DECR1: variants seen among roughly 807,000 people sequenced by gnomAD.
The protein encoded by DECR1 is 2,4-dienoyl-CoA reductase 1, also known as 2,4-dienoyl-CoA reductase [(3E)-enoyl-CoA-producing], mitochondrial.
Under a neutral mutation model 38.8 loss-of-function variants are expected in DECR1, and 44 were observed. The observed-to-expected ratio is 1.13, with a 90% CI of 0.89 to 1.46. The LOEUF (loss-of-function observed/expected upper bound fraction) is 1.46, where lower values mean the gene tolerates loss of function less well. DECR1 is among the 40% of genes most tolerant of loss of function. The probability of loss-of-function intolerance (pLI) is 0.00; values close to 1 mark genes in which losing one functional copy is unlikely to be tolerated. For missense variants in DECR1, 428 were observed against 405.5 expected (o/e 1.06, Z -0.48); for synonymous variants, 148 against 135.2 (o/e 1.09, Z -0.66).
chr8:90,024,123 G>A, intron 5 of DECR1, among the ~76,000 whole-genome samples: 1 of 152,142 alleles, frequency 6.6e-6, no homozygotes, highest in Non-Finnish European at 1.5e-5. Flanking sequence ...ATCATTGATG[G>A]ACATTTGGGT....
chr8:90,015,770 A>C lies in DECR1; in HGVS notation c.70-1354A>C, dbSNP rs985643991. 9.6e-5 allele frequency: 38 copies of C among 396,442 alleles called. 2 individuals carry two copies. The highest frequency in any genetic ancestry group is 6.9e-4 in the South Asian group (37 of 53,734). 24.6% of individuals were successfully genotyped at this position (396,442 alleles called of 1,614,324 possible). ...ACCATTAAGCTTAGCAGGATCTCAG[A>C]GAATAGACAGAGGAATATGCAAGCT... is the stretch of plus-strand genomic sequence containing the variant. On this transcript the variant is annotated intron_variant, in intron 1 of 9. Coordinates refer to ENST00000220764, the MANE Select transcript of DECR1 (RefSeq NM_001359.2).
At chr8:90,041,011 A>G (rs1414055279) in intron 6 of DECR1, among the ~76,000 whole-genome samples, 4 of 152,184 alleles carry the variant, frequency 2.6e-5, no homozygotes, top group Non-Finnish European at 5.9e-5. Flanking sequence ...GCTGGGTCAA[A>G]TGGTATTTCT....
At chr8:90,032,421 A>G (rs1489631071) in intron 5 of DECR1, among the ~76,000 whole-genome samples, 2 of 152,148 alleles carry the variant, frequency 1.3e-5, no homozygotes, top group Non-Finnish European at 2.9e-5. Flanking sequence ...AGCCAGAGAA[A>G]GTTGTCTGTT....
At chr8:90,031,752 T>G (rs1247519861) in intron 5 of DECR1, among the ~76,000 whole-genome samples, 1 of 152,056 alleles carries the variant, frequency 6.6e-6, no homozygotes, top group Non-Finnish European at 1.5e-5. Flanking sequence ...AGTAGAAGAG[T>G]TAGAACTGCA....
Position 90,051,917 on chromosome 8 carries a change from T to C in DECR1, c.*20T>C, listed in dbSNP as rs112034915. 884 of 1,609,102 alleles carry C rather than the reference T, an allele frequency of 5.5e-4. 7 individuals are homozygous for C. In the African/African-American group the frequency reaches 8.5e-3, roughly 16 times the overall value. The stretch of plus-strand genomic sequence containing the variant: ...TCCTAAGACCACTTTGGCCTTCATC[T>C]TGGTTACAGAAAAGGGAATAGAAAT... On this transcript the variant is annotated 3_prime_UTR_variant, in exon 10 of 10. Transcript: ENST00000220764.
chr8:90,007,272 G>T (rs1812767234), intron 1 of DECR1, among the ~76,000 whole-genome samples: 1 of 152,174 alleles, frequency 6.6e-6, no homozygotes, highest in African/African-American at 2.4e-5. Flanking sequence ...CATATGCTAT[G>T]GGGAGCGAAG....
intron 1 of DECR1, among the ~76,000 whole-genome samples, chr8:90,010,117 T>C (rs968646386): frequency 6.6e-6 from 1 of 152,218 alleles, no homozygotes; most frequent in Admixed American, 6.5e-5. Context: ...GGCAACAAGA[T>C]CTGTGCTCTG....
rs1374970335 is a variant in DECR1, at chr8:90,018,919, G to GT, written c.287dup (p.Leu96PhefsTer15). The GT allele has an allele frequency of 1.3e-6, 2 of 1,590,776 alleles. No homozygotes were observed. Among genetic ancestry groups the GT allele is most frequent in the Non-Finnish European group, 1.7e-6 (2 of 1,164,880 alleles). On this transcript the variant is annotated frameshift_variant, in exon 3 of 10. Transcript: ENST00000220764. LOFTEE classifies it high-confidence loss of function. ...GGTGTTTATTTCTAGGAAGATGGAT[G>GT]TTTTGAAAGCTACCGCAGAACAAAT...
intron 5 of DECR1, among the ~76,000 whole-genome samples, chr8:90,023,839 G>A (rs973274946): frequency 5.3e-5 from 8 of 151,926 alleles, no homozygotes; most frequent in South Asian, 2.1e-4. Flanking sequence ...TTTACATTAG[G>A]TATATCTCCT....
Position 90,050,499 on chromosome 8 carries a change from G to T in DECR1, c.886-1178G>T, listed in dbSNP as rs151138268. ...ATACCATCTCACACCAGTTAGAATG[G>T]TGTTCATTAAAGATTCAGGAAACAA... On this transcript the variant is annotated intron_variant, in intron 8 of 9. Transcript: ENST00000220764. Among the ~76,000 whole-genome samples, 754 of 152,258 alleles carry T rather than the reference G, an allele frequency of 5.0e-3. 9 individuals are homozygous for T. The highest frequency in any genetic ancestry group is 0.017 in the African/African-American group (689 of 41,528).
chr8:90,039,056 C>T (rs1472453759), intron 6 of DECR1, among the ~76,000 whole-genome samples: 1 of 152,142 alleles, frequency 6.6e-6, no homozygotes, highest in Non-Finnish European at 1.5e-5. Context: ...AATAGATGCT[C>T]ATTAAACATG....
rs149094047 is a variant in DECR1 at position 90,017,300 on chromosome 8, A to G, written c.246A>G (p.Leu82=). 4.5e-4 allele frequency: 732 copies of G among 1,614,026 alleles called. 1 individual carries two copies. The highest frequency in any genetic ancestry group is 5.9e-4 in the Non-Finnish European group (696 of 1,180,038). ...GKGMTTLLSS[L]GAQCVIASRK... Reference sequence around the variant, plus strand: ...GAATGACAACTCTTCTGTCCAGCCTAGGTGCTCAGTGCGTGATAGCCAGCC... The same window carrying G: ...GAATGACAACTCTTCTGTCCAGCCTGGGTGCTCAGTGCGTGATAGCCAGCC... The change falls in exon 2 of 10, where the codon CTA becomes CTG. Residue 82 remains leucine, a synonymous_variant. Coordinates refer to ENST00000220764, the MANE Select transcript of DECR1 (RefSeq NM_001359.2).
intron 5 of DECR1, among the ~76,000 whole-genome samples, chr8:90,021,607 G>T (rs956520882): frequency 6.6e-6 from 1 of 152,202 alleles, no homozygotes; most frequent in Non-Finnish European, 1.5e-5. Flanking sequence ...CAAAGAATGC[G>T]ACTTGATTGG....
intron 7 of DECR1, 113 bp from the exon 8 acceptor site, chr8:90,044,736 C>A: frequency 9.4e-7 from 1 of 1,065,062 alleles, no homozygotes; most frequent in Non-Finnish European, 1.3e-6. Flanking sequence ...ACTTACAAAG[C>A]CTAAGGTTTT....
chr8:90,051,603 T>C (rs1394142350), intron 8 of DECR1, 74 bp from the exon 9 acceptor site: 15 of 1,182,344 alleles, frequency 1.3e-5, no homozygotes, highest in Non-Finnish European at 1.7e-5. Flanking sequence ...CCAATTAGTA[T>C]GGGAAAATGG....
intron 4 of DECR1, 86 bp downstream of exon 4, chr8:90,019,258 A>T (rs1040654917): frequency 8.7e-7 from 1 of 1,145,102 alleles, no homozygotes; most frequent in Non-Finnish European, 1.3e-6. Flanking sequence ...TAAAATATTG[A>T]TACTGATGTA....
rs753506368 is a variant in DECR1 at position 90,021,050 on chromosome 8, C to A, written c.559C>A (p.Gln187Lys). The change falls in exon 5 of 10, where the codon CAG (glutamine) becomes AAG (lysine). Residue 187 changes from glutamine (Q) to lysine (K), a missense_variant. Physicochemically the swap from Gln to Lys is moderately conservative, Grantham distance 53. Transcript: ENST00000220764. ...AATTGGAAAACAACTAATTAAAGCACAGAAAGGTATGTTTATTTGCTTTTC... is the reference window on the plus strand; with the variant it reads ...AATTGGAAAACAACTAATTAAAGCAAAGAAAGGTATGTTTATTTGCTTTTC... Reference protein sequence around the residue: ...LEIGKQLIKAQKGAAFLSITT... With the variant: ...LEIGKQLIKAKKGAAFLSITT... 6 of 1,579,922 alleles carry A rather than the reference C, an allele frequency of 3.8e-6. No homozygotes were observed. The South Asian group carries it at 7.1e-5, about 19-fold the overall frequency.
chr8:90,048,718 GCAGAGATACAA>G (rs1272711528), intron 8 of DECR1, among the ~76,000 whole-genome samples: 1 of 151,952 alleles, frequency 6.6e-6, no homozygotes, highest in East Asian at 1.9e-4. Context: ...CGAAAGCCTG[GCAGAGATACAA>G]CAACAAAAAA....
At chr8:90,007,022 A>C (rs1812758470) in intron 1 of DECR1, among the ~76,000 whole-genome samples, 1 of 152,184 alleles carries the variant, frequency 6.6e-6, no homozygotes, top group Admixed American at 6.5e-5. Context: ...ATATAGATAA[A>C]TAAGCTACAG....
Sources: gnomAD v4.1 joint callset for allele counts (sites outside exome capture counted in the v4.1 genomes callset) on GRCh38, gnomAD v4.1.1 for gene constraint, MANE v1.5 for transcripts, NCBI Gene and HGNC (gene_info 2026-07-23, HGNC 2026-07-21) for gene names.